TTC6: variants seen among roughly 807,000 people sequenced by gnomAD.
TTC6 encodes the protein tetratricopeptide repeat protein 6.
Under a neutral mutation model 210.4 loss-of-function variants are expected in TTC6, and 172 were observed. The ratio of observed to expected loss-of-function variants is 0.82; its 90% CI spans 0.72 to 0.93. The LOEUF (loss-of-function observed/expected upper bound fraction) is 0.93. Ranked by LOEUF, TTC6 falls within the 40% of genes least tolerant of loss-of-function variation. TTC6 has a pLI of 0.00. For missense variants in TTC6, 2,414 were observed against 2,318.1 expected (o/e 1.04, Z -0.85); for synonymous variants, 804 against 819.6 (o/e 0.98, Z 0.32).
chr14:37,788,534 G>A (rs892120249), intron 15 of TTC6, among the ~76,000 whole-genome samples: 1 of 152,162 alleles, frequency 6.6e-6, no homozygotes, highest in Non-Finnish European at 1.5e-5. Context: ...CATTCTGTGT[G>A]TTGACAGGAG....
chr14:37,737,882 TGGG>T (rs2095906292), intron 9 of TTC6, 148 bp downstream of exon 11: 2 of 470,650 alleles, frequency 4.2e-6, no homozygotes, highest in Non-Finnish European at 3.7e-6. Context: ...TTTCTTGAGA[TGGG>T]GGAGTACAGT....
At chr14:37,677,449 C>A (rs2095772564) in intron 1 of TTC6, among the ~76,000 whole-genome samples, 2 of 151,668 alleles carry the variant, frequency 1.3e-5, no homozygotes, top group Non-Finnish European at 2.9e-5. Context: ...TTTTTGTATT[C>A]TTTCTGATTT....
At chr14:37,827,015 TG>T (rs1253735513) in intron 28 of TTC6, among the ~76,000 whole-genome samples, 180 bp from the exon 31 acceptor site, 2 of 152,110 alleles carry the variant, frequency 1.3e-5, no homozygotes, top group African/African-American at 4.8e-5. Flanking sequence ...AACAAAGTGT[TG>T]ACACTAAACC....
At chr14:37,622,276 G>A in exon 1 of TTC6, 1 of 1,535,020 alleles carries the variant, frequency 6.5e-7, no homozygotes, top group Non-Finnish European at 8.7e-7. Flanking sequence ...GCCGCAGCCC[G>A]GACGTCGAGA....
At chr14:37,787,547 G>T in exon 15 of TTC6, 1 of 1,531,636 alleles carries the variant, frequency 6.5e-7, no homozygotes, top group Non-Finnish European at 8.7e-7. Context: ...AATTCACTTA[G>T]ATCCTAATAA....
chr14:37,718,652 G>A (rs2095856581), intron 6 of TTC6, among the ~76,000 whole-genome samples: 1 of 152,222 alleles, frequency 6.6e-6, no homozygotes, highest in Non-Finnish European at 1.5e-5. Context: ...AATCAGCCGG[G>A]TGCAGTGGCT....
At chr14:37,659,707 T>C (rs538016360) in intron 1 of TTC6, among the ~76,000 whole-genome samples, 1 of 152,062 alleles carries the variant, frequency 6.6e-6, no homozygotes, top group South Asian at 2.1e-4. Flanking sequence ...TTTTAGTAGA[T>C]ACAGGGTTTC....
At chr14:37,797,664 A>G (rs987035905) in intron 20 of TTC6, among the ~76,000 whole-genome samples, 12 of 151,660 alleles carry the variant, frequency 7.9e-5, no homozygotes, top group African/African-American at 2.9e-4. Context: ...TTAAAATAGA[A>G]TATGTCTATT....
intron 29 of TTC6, among the ~76,000 whole-genome samples, chr14:37,834,285 TTTTTC>T (rs1433625894): frequency 4.7e-5 from 5 of 106,914 alleles, no homozygotes; most frequent in Admixed American, 1.8e-4. Flanking sequence ...TTTCTATGAC[TTTTTC>T]TTTTCTTTTG....
intron 29 of TTC6, among the ~76,000 whole-genome samples, chr14:37,835,131 G>A (rs774565773): frequency 3.3e-5 from 5 of 152,178 alleles, no homozygotes; most frequent in South Asian, 2.1e-4. Flanking sequence ...TCCTGGCAGG[G>A]CACATAGGCA....
At chr14:37,655,064 T>C (rs1373466560) in intron 1 of TTC6, among the ~76,000 whole-genome samples, 1 of 152,274 alleles carries the variant, frequency 6.6e-6, no homozygotes, top group Non-Finnish European at 1.5e-5. Flanking sequence ...GCTCTTCGCA[T>C]GTGCATTATA....
At chr14:37,701,549 G>T in intron 5 of TTC6, 23 bp downstream of exon 7, 3 of 1,421,730 alleles carry the variant, frequency 2.1e-6, no homozygotes, top group South Asian at 3.1e-5. Flanking sequence ...CTGGTAATTT[G>T]ATTTTAAGCT....
At chr14:37,670,301 A>G (rs71407708) in intron 1 of TTC6, among the ~76,000 whole-genome samples, 8,686 of 152,140 alleles carry the variant, frequency 0.057, 382 homozygotes, top group Non-Finnish European at 0.089. Flanking sequence ...GACACATGGA[A>G]TGTGTCTTTC....
At chr14:37,839,250 A>G (rs1445934866) in intron 29 of TTC6, among the ~76,000 whole-genome samples, 1 of 152,166 alleles carries the variant, frequency 6.6e-6, no homozygotes, top group Non-Finnish European at 1.5e-5. Flanking sequence ...GAACTAATTT[A>G]CACTCCCACC....
At chr14:37,761,600 C>G (rs2095984788) in intron 14 of TTC6, among the ~76,000 whole-genome samples, 1 of 152,006 alleles carries the variant, frequency 6.6e-6, no homozygotes, top group Admixed American at 6.5e-5. Context: ...GAAACCCCCT[C>G]ATGCCTTTGT....
At chr14:37,666,354 T>A (rs1410606767) in intron 1 of TTC6, among the ~76,000 whole-genome samples, 1 of 148,910 alleles carries the variant, frequency 6.7e-6, no homozygotes, top group Non-Finnish European at 1.5e-5. Flanking sequence ...TGGCTTACAC[T>A]GTAATCCCGG....
intron 14 of TTC6, among the ~76,000 whole-genome samples, chr14:37,770,876 T>A (rs2096016068): frequency 6.6e-6 from 1 of 150,784 alleles, no homozygotes; most frequent in African/African-American, 2.4e-5. Flanking sequence ...CGCTCATTAG[T>A]TGATGCAGTT....
intron 1 of TTC6, among the ~76,000 whole-genome samples, chr14:37,650,918 G>C (rs2095710052): frequency 6.6e-6 from 1 of 152,202 alleles, no homozygotes; most frequent in Non-Finnish European, 1.5e-5. Context: ...TTGAACCACA[G>C]CTGTCAGTTT....
chr14:37,715,111 A>G (rs997099042), intron 6 of TTC6, among the ~76,000 whole-genome samples: 5 of 152,156 alleles, frequency 3.3e-5, no homozygotes, highest in Admixed American at 1.3e-4. Flanking sequence ...TGAGGCCTCC[A>G]GTGAGCCGTG....
Sources: gnomAD v4.1 joint callset for allele counts (sites outside exome capture counted in the v4.1 genomes callset) on GRCh38, gnomAD v4.1.1 for gene constraint, MANE v1.5 for transcripts, NCBI Gene and HGNC (gene_info 2026-07-23, HGNC 2026-07-21) for gene names.